Variants in NNMT observed in about 807,000 individuals in gnomAD.
NNMT encodes nicotinamide N-methyltransferase.
NNMT carries 10 observed loss-of-function variants against 11.7 expected under a neutral mutation model. That is an observed-to-expected ratio of 0.85 (90% CI 0.53 to 1.45). The LOEUF (loss-of-function observed/expected upper bound fraction) is 1.45. Ranked by LOEUF, NNMT falls within the 40% of genes most tolerant of loss-of-function variation. NNMT has a pLI of 0.00. For missense variants in NNMT, 381 were observed against 319.4 expected (o/e 1.19, Z -1.47); for synonymous variants, 143 against 133.8 (o/e 1.07, Z -0.48).
Position 114,312,355 on chromosome 11 carries a change from G to A in NNMT, c.673G>A (p.Val225Met), listed in dbSNP as rs1056095566. The change falls in exon 3 of 3, where the codon GTG (valine) becomes ATG (methionine). Residue 225 changes from valine to methionine, a missense_variant. Val to Met is a conservative substitution (Grantham distance 21). Coordinates refer to ENST00000299964, the MANE Select transcript of NNMT (RefSeq NM_006169.3). ...GGGCCGGGAGGCAGTAGAGGCTGCTGTGAAAGAGGCTGGCTACACAATCGA... is the reference window on the plus strand; with the variant it reads ...GGGCCGGGAGGCAGTAGAGGCTGCTATGAAAGAGGCTGGCTACACAATCGA... ...PLGREAVEAA[V>M]KEAGYTIEWF... 45 of 1,614,126 alleles carry A rather than the reference G, an allele frequency of 2.8e-5. No individual in the cohort carries two copies. The highest frequency in any genetic ancestry group is 5.0e-5 in the Admixed American group (3 of 60,006).
Position 114,312,480 on chromosome 11 carries a change from C to A in NNMT, c.*3C>A, listed in dbSNP as rs1341234412. 1.2e-6 allele frequency: 2 copies of A among 1,609,270 alleles called. No homozygotes were observed. The highest frequency in any genetic ancestry group is 1.7e-6 in the Non-Finnish European group (2 of 1,177,012). On this transcript the variant is annotated 3_prime_UTR_variant, in exon 3 of 3. Coordinates refer to ENST00000299964, the MANE Select transcript of NNMT (RefSeq NM_006169.3). ...GGAAGCTGAGCAGACCCCTGTGATG[C>A]CTGTGACCTCAATTAAAGCAATTCC...
chr11:114,311,869 T>C (rs767964679), intron 2 of NNMT, among the ~76,000 whole-genome samples, 176 bp from the exon 3 acceptor site: 5 of 152,214 alleles, frequency 3.3e-5, no homozygotes, highest in Non-Finnish European at 7.3e-5. Context: ...CAGGGTAATA[T>C]GGTCTCATTC....
In NNMT at chr11:114,298,066, C is replaced by T. The variant is rs772467691; in HGVS notation, c.270C>T (p.Asn90=). 6 of 1,614,114 alleles carry T rather than the reference C, an allele frequency of 3.7e-6. No homozygotes were observed. In the South Asian group the frequency reaches 4.4e-5, roughly 12 times the overall value. ...TCGTCACTGACTACTCAGACCAGAA[C>T]CTGCAGGAGCTGGAGAAGTGGCTGA... The part of the protein sequence containing the change: ...EIVVTDYSDQ[N]LQELEKWLKK... The change falls in exon 2 of 3, where the codon AAC becomes AAT. Residue 90 remains asparagine (N), a synonymous_variant. Coordinates refer to ENST00000299964, the MANE Select transcript of NNMT (RefSeq NM_006169.3).
intron 2 of NNMT, among the ~76,000 whole-genome samples, chr11:114,305,585 G>C (rs1447669584): frequency 6.7e-6 from 1 of 148,738 alleles, no homozygotes; most frequent in Non-Finnish European, 1.5e-5. Context: ...ACCTATGAGT[G>C]AGAACGTGTG....
intron 2 of NNMT, among the ~76,000 whole-genome samples, chr11:114,303,979 G>A (rs921123082): frequency 6.6e-6 from 1 of 152,028 alleles, no homozygotes; most frequent in African/African-American, 2.4e-5. Context: ...ATTTTATATT[G>A]GCTATAGCCT....
At chr11:114,275,110 CCTT>C (rs1365734278) in intron 2 of NNMT, among the ~76,000 whole-genome samples, 1 of 152,178 alleles carries the variant, frequency 6.6e-6, no homozygotes, top group Non-Finnish European at 1.5e-5. Context: ...TTCATTAGGT[CCTT>C]CTTCATTTTG....
chr11:114,281,956 T>G (rs187582824), intron 2 of NNMT, among the ~76,000 whole-genome samples: 4 of 152,190 alleles, frequency 2.6e-5, no homozygotes, highest in Non-Finnish European at 1.5e-5. Flanking sequence ...CAAAGGAAGG[T>G]AAAGTGACTA....
intron 2 of NNMT, among the ~76,000 whole-genome samples, chr11:114,264,055 A>G (rs1407509939): frequency 6.6e-6 from 1 of 152,046 alleles, no homozygotes; most frequent in Non-Finnish European, 1.5e-5. Flanking sequence ...TCCTCTTATT[A>G]AAAGTCAGCT....
At chr11:114,281,347 A>G (rs890297306) in intron 2 of NNMT, among the ~76,000 whole-genome samples, 1 of 152,142 alleles carries the variant, frequency 6.6e-6, no homozygotes, top group Non-Finnish European at 1.5e-5. Context: ...CTTACCTTCT[A>G]GTGGACAAGT....
At chr11:114,307,981 G>C (rs916100470) in intron 2 of NNMT, among the ~76,000 whole-genome samples, 1 of 151,876 alleles carries the variant, frequency 6.6e-6, no homozygotes. Context: ...TGATCACTGG[G>C]TTAATGCTTT....
chr11:114,309,651 C>A (rs1300816225), intron 2 of NNMT, among the ~76,000 whole-genome samples: 1 of 152,188 alleles, frequency 6.6e-6, no homozygotes, highest in Non-Finnish European at 1.5e-5. Context: ...AATTAATGCA[C>A]CCATTTAAAT....
chr11:114,282,040 A>T (rs1945266616), intron 2 of NNMT, among the ~76,000 whole-genome samples: 1 of 151,686 alleles, frequency 6.6e-6, no homozygotes. Context: ...CAGCCTGGGC[A>T]ATGTAGTGAG....
In NNMT at chr11:114,298,161, A is replaced by G. The variant is rs1945403148; in HGVS notation, c.362+3A>G. ...GTGTGTGATCTTGAAGGGAACAGGT[A>G]GAGAAACTGGTGTCTACTTCTTGGC... On this transcript the variant is annotated splice_donor_region_variant and intron_variant, in intron 2 of 2. Coordinates refer to ENST00000299964, the MANE Select transcript of NNMT (RefSeq NM_006169.3). 2.5e-6 allele frequency: 4 copies of G among 1,613,634 alleles called. No individual in the cohort carries two copies. Among genetic ancestry groups the G allele is most frequent in the South Asian group, 1.1e-5 (1 of 91,054 alleles).
chr11:114,302,702 T>G (rs1411871299), intron 2 of NNMT, among the ~76,000 whole-genome samples: 1 of 152,218 alleles, frequency 6.6e-6, no homozygotes, highest in Admixed American at 6.5e-5. Context: ...ACAATATATA[T>G]TAAACATAGG....
chr11:114,311,906 T>C, intron 2 of NNMT, 139 bp from the exon 3 acceptor site: 1 of 810,880 alleles, frequency 1.2e-6, no homozygotes. Flanking sequence ...CCTCAGTTCT[T>C]CTTTCTCTCC....
At chr11:114,305,218 G>GC (rs1355282628) in intron 2 of NNMT, among the ~76,000 whole-genome samples, 1 of 152,224 alleles carries the variant, frequency 6.6e-6, no homozygotes, top group Non-Finnish European at 1.5e-5. Flanking sequence ...GTGTGCCAGG[G>GC]CACACACACA....
At chr11:114,275,380 G>C (rs1945206350) in intron 2 of NNMT, among the ~76,000 whole-genome samples, 1 of 152,220 alleles carries the variant, frequency 6.6e-6, no homozygotes, top group Admixed American at 6.5e-5. Context: ...GTTCCAGGCA[G>C]ACTTTCCATT....
intron 2 of NNMT, among the ~76,000 whole-genome samples, chr11:114,307,604 A>C (rs1945504553): frequency 6.6e-6 from 1 of 151,450 alleles, no homozygotes; most frequent in South Asian, 2.1e-4. Flanking sequence ...CTCCCTAGTG[A>C]CTCTCCAGAG....
chr11:114,292,219 T>A (rs867291342), upstream of NNMT, among the ~76,000 whole-genome samples: 3 of 152,226 alleles, frequency 2.0e-5, no homozygotes, highest in Middle Eastern at 3.2e-3. Context: ...GTATTTTATA[T>A]CTATATATCA....
Sources: gnomAD v4.1 joint callset for allele counts (sites outside exome capture counted in the v4.1 genomes callset) on GRCh38, gnomAD v4.1.1 for gene constraint, MANE v1.5 for transcripts, NCBI Gene and HGNC (gene_info 2026-07-23, HGNC 2026-07-21) for gene names.